AKAP13: variants seen among roughly 807,000 people sequenced by gnomAD.
The protein encoded by AKAP13 is A-kinase anchor protein 13.
A neutral mutation model predicts 264.5 loss-of-function variants in AKAP13; 80 were observed. That is an observed-to-expected ratio of 0.30 (90% confidence interval 0.25 to 0.36). AKAP13 has a LOEUF of 0.36. AKAP13 is among the 10% of genes least tolerant of loss of function. The pLI is 1.00. For missense variants in AKAP13, 3,712 were observed against 3,435.2 expected, an observed-to-expected ratio of 1.08 and a Z score of -2.01; for synonymous variants, 1,380 against 1,250.2, an observed-to-expected ratio of 1.10 and a Z score of -2.19.
At chr15:85,410,559 T>C (rs554017609) in intron 1 of AKAP13, among the ~76,000 whole-genome samples, 2 of 151,610 alleles carry the variant, frequency 1.3e-5, no homozygotes, top group Non-Finnish European at 2.9e-5. Context: ...GTCATTAGTA[T>C]ATTGGCAGTG....
At chr15:85,738,055 T>C (rs1473449646) in intron 33 of AKAP13, among the ~76,000 whole-genome samples, 1 of 152,204 alleles carries the variant, frequency 6.6e-6, no homozygotes, top group Non-Finnish European at 1.5e-5. Context: ...ACACTATAAA[T>C]GCTTAGCTAG....
intron 1 of AKAP13, among the ~76,000 whole-genome samples, chr15:85,448,035 GT>G (rs978029036): frequency 3.3e-5 from 5 of 152,050 alleles, no homozygotes; most frequent in Non-Finnish European, 7.4e-5. Context: ...AGCATCTGCT[GT>G]TTTTTTGACT....
intron 5 of AKAP13, chr15:85,555,602 A>C (rs2078114213): frequency 3.0e-6 from 2 of 665,176 alleles, no homozygotes; most frequent in African/African-American, 1.9e-5. Context: ...AACTTCCCTG[A>C]AGGACTTGTG....
chr15:85,475,135 A>T (rs1176873538), intron 1 of AKAP13, among the ~76,000 whole-genome samples: 1 of 152,218 alleles, frequency 6.6e-6, no homozygotes, highest in Non-Finnish European at 1.5e-5. Context: ...AAGGAAGTGT[A>T]AAGGCTTGAA....
At chr15:85,545,996 C>G (rs973052607) in intron 5 of AKAP13, among the ~76,000 whole-genome samples, 1 of 152,132 alleles carries the variant, frequency 6.6e-6, no homozygotes, top group South Asian at 2.1e-4. Flanking sequence ...TTTTCTCCAG[C>G]CCCTGATAAC....
intron 16 of AKAP13, among the ~76,000 whole-genome samples, chr15:85,686,744 AAAG>A (rs2084956011): frequency 6.6e-6 from 1 of 152,228 alleles, no homozygotes; most frequent in African/African-American, 2.4e-5. Context: ...GGTATCAACA[AAAG>A]AAAATCCCCT....
intron 4 of AKAP13, among the ~76,000 whole-genome samples, chr15:85,543,558 C>G (rs1352215332): frequency 1.3e-5 from 2 of 152,080 alleles, no homozygotes; most frequent in African/African-American, 4.8e-5. Context: ...ATTTTGCTTC[C>G]TATACTTTCT....
chr15:85,656,613 A>AT (rs995589663), intron 11 of AKAP13, among the ~76,000 whole-genome samples: 37 of 151,880 alleles, frequency 2.4e-4, no homozygotes, highest in Non-Finnish European at 3.5e-4. Flanking sequence ...CGCCTGGCTA[A>AT]TTTTTTTTGT....
intron 17 of AKAP13, among the ~76,000 whole-genome samples, chr15:85,704,567 G>A (rs1344508837): frequency 6.6e-6 from 1 of 152,116 alleles, no homozygotes; most frequent in East Asian, 1.9e-4. Context: ...GTTGAAGGCT[G>A]GACTGTTTGT....
At position 85,592,746 on chromosome 15, in the gene AKAP13, A is replaced by G. The variant is rs115725227; in HGVS notation, c.4161+6923A>G. 5.4e-3 allele frequency among the ~76,000 whole-genome samples: 820 copies of G among 152,300 alleles called. 8 individuals are homozygous for G. Among genetic ancestry groups the G allele is most frequent in the African/African-American group, 0.019 (781 of 41,562 alleles). Reference sequence around the variant, plus strand: ...CTCTGAAATGGAGAGTTTCCAGGAAATTATCAGCGGCTCCTAATACAAATT... The same window carrying G: ...CTCTGAAATGGAGAGTTTCCAGGAAGTTATCAGCGGCTCCTAATACAAATT... On this transcript the variant is annotated intron_variant, in intron 8 of 36. Transcript: ENST00000394518.
At chr15:85,694,132 A>G (rs1377775556) in intron 17 of AKAP13, among the ~76,000 whole-genome samples, 1 of 152,200 alleles carries the variant, frequency 6.6e-6, no homozygotes, top group Non-Finnish European at 1.5e-5. Context: ...CTGTTAGATC[A>G]TATGTGCTCA....
intron 1 of AKAP13, among the ~76,000 whole-genome samples, chr15:85,455,791 T>G (rs2074262532): frequency 6.6e-6 from 1 of 152,218 alleles, no homozygotes; most frequent in South Asian, 2.1e-4. Context: ...CTCAATAGAT[T>G]ACAGATTGTT....
chr15:85,571,672 T>C (rs2078822477), intron 5 of AKAP13, among the ~76,000 whole-genome samples: 1 of 152,384 alleles, frequency 6.6e-6, no homozygotes, highest in East Asian at 1.9e-4. Flanking sequence ...TTATTTATCT[T>C]GATTGCTGTT....
chr15:85,662,415 G>A, intron 12 of AKAP13: 1 of 1,614,134 alleles, frequency 6.2e-7, no homozygotes, highest in Non-Finnish European at 8.5e-7. Flanking sequence ...CTGGTGTGCA[G>A]TACTCTGCTG....
intron 5 of AKAP13, among the ~76,000 whole-genome samples, chr15:85,567,388 G>C (rs980447768): frequency 1.3e-5 from 2 of 152,202 alleles, no homozygotes; most frequent in Non-Finnish European, 2.9e-5. Context: ...TTGCAGGCGT[G>C]AGCCACCACG....
At chr15:85,467,088 A>G (rs949626045) in intron 1 of AKAP13, among the ~76,000 whole-genome samples, 1 of 151,708 alleles carries the variant, frequency 6.6e-6, no homozygotes, top group Non-Finnish European at 1.5e-5. Flanking sequence ...ACACACACAC[A>G]CACACACACA....
intron 1 of AKAP13, among the ~76,000 whole-genome samples, chr15:85,408,908 T>C (rs984812757): frequency 1.3e-5 from 2 of 151,732 alleles, no homozygotes; most frequent in Non-Finnish European, 2.9e-5. Context: ...CCATACTGTT[T>C]TCCATAGTGG....
chr15:85,709,524 G>A (rs7164870), intron 18 of AKAP13, among the ~76,000 whole-genome samples: 122,781 of 151,720 alleles, frequency 0.81, 49,948 homozygotes, highest in Middle Eastern at 0.86. Flanking sequence ...GTCATTTGTT[G>A]CCTGCCGGCA....
chr15:85,401,460 C>T (rs780018843), intron 1 of AKAP13, among the ~76,000 whole-genome samples: 3 of 152,148 alleles, frequency 2.0e-5, no homozygotes, highest in African/African-American at 7.2e-5. Context: ...GGGGCAAGGC[C>T]AGCTTTGATT....
Sources: allele counts gnomAD v4.1 joint callset (sites outside exome capture counted in the v4.1 genomes callset), GRCh38; gene constraint gnomAD v4.1.1; transcripts MANE v1.5; gene names NCBI Gene and HGNC (gene_info 2026-07-23, HGNC 2026-07-21).